Variants in ANGPT4 observed in about 807,000 individuals in gnomAD.
The protein encoded by ANGPT4 is angiopoietin 4, also known as angiopoietin-4.
A neutral mutation model predicts 53.0 loss-of-function variants in ANGPT4; 50 were observed. That is an observed-to-expected ratio of 0.94 (90% CI 0.75 to 1.20). ANGPT4 has a LOEUF of 1.20. Among genes scored for constraint, ANGPT4 ranks in the 50% most tolerant of loss-of-function variants. The pLI is 0.00. For missense variants in ANGPT4, 648 were observed against 637.1 expected, an observed-to-expected ratio of 1.02 and a Z score of -0.18; for synonymous variants, 251 against 259.7, an observed-to-expected ratio of 0.97 and a Z score of 0.32.
At position 886,763 on chromosome 20, in the gene ANGPT4, G is replaced by A. The variant is rs1981633754; in HGVS notation, c.588-1438C>T. Among the ~76,000 whole-genome samples, 5 of 152,306 alleles carry A rather than the reference G, an allele frequency of 3.3e-5. No individual in the cohort carries two copies. The South Asian group carries it at 6.2e-4, about 19-fold the overall frequency. On this transcript the variant is annotated intron_variant, in intron 3 of 8. Coordinates refer to ENST00000381922, the MANE Select transcript of ANGPT4 (RefSeq NM_015985.4). Reference sequence around the variant, plus strand: ...AGAGAAAAACCGAATGGTTGTATGGGTACTCAAAGTACGGTTTCTACTGCA... The same window carrying A: ...AGAGAAAAACCGAATGGTTGTATGGATACTCAAAGTACGGTTTCTACTGCA...
chr20:873,920 T>G (rs1360209), intron 8 of ANGPT4, among the ~76,000 whole-genome samples: 75,398 of 151,994 alleles, frequency 0.5, 21,329 homozygotes, highest in African/African-American at 0.77. Context: ...ACAGCTGGTG[T>G]GGAGCTGCCC....
At chr20:889,230 C>A (rs941916865) in intron 2 of ANGPT4, among the ~76,000 whole-genome samples, 1 of 151,002 alleles carries the variant, frequency 6.6e-6, no homozygotes, top group African/African-American at 2.4e-5. Context: ...ATGCTATTTT[C>A]TCCTTAGCGC....
chr20:913,519 C>T (rs1385760903), intron 1 of ANGPT4, among the ~76,000 whole-genome samples: 1 of 152,184 alleles, frequency 6.6e-6, no homozygotes, highest in Non-Finnish European at 1.5e-5. Flanking sequence ...AATTTTCAGG[C>T]TAGGTGAATG....
At chr20:874,011 G>A (rs751654111) in intron 8 of ANGPT4, among the ~76,000 whole-genome samples, 2 of 152,100 alleles carry the variant, frequency 1.3e-5, no homozygotes, top group East Asian at 1.9e-4. Flanking sequence ...CCTCCCCCCC[G>A]GGGCCCTGCA....
chr20:899,179 C>G (rs1027235059), intron 1 of ANGPT4, among the ~76,000 whole-genome samples: 1 of 152,196 alleles, frequency 6.6e-6, no homozygotes, highest in African/African-American at 2.4e-5. Flanking sequence ...GCCTCCATAA[C>G]TGTTGCGGGT....
Position 873,056 on chromosome 20 carries a change from G to C in ANGPT4, c.1416C>G (p.Asn472Lys), listed in dbSNP as rs564210679. ...LNGVYYHAPD[N>K]KYKMDGIRWH... Reference sequence around the variant, plus strand: ...AGCGGATGCCGTCCATCTTGTACTTGTTGTCGGGAGCGTGGTAGTAGACGC... The same window carrying C: ...AGCGGATGCCGTCCATCTTGTACTTCTTGTCGGGAGCGTGGTAGTAGACGC... The change falls in exon 9 of 9, where the codon AAC becomes AAG. Residue 472 changes from asparagine to lysine, a missense_variant. Coordinates refer to ENST00000381922, the MANE Select transcript of ANGPT4 (RefSeq NM_015985.4). 1.2e-6 allele frequency: 2 copies of C among 1,614,080 alleles called. No homozygotes were observed. Among genetic ancestry groups the C allele is most frequent in the African/African-American group, 2.7e-5 (2 of 75,042 alleles).
chr20:915,546 G>T (rs1231826869), intron 1 of ANGPT4, among the ~76,000 whole-genome samples: 4 of 152,104 alleles, frequency 2.6e-5, no homozygotes, highest in Non-Finnish European at 5.9e-5. Context: ...TCTTCATTTT[G>T]CTTCACCATC....
chr20:899,512 C>T (rs7272759), intron 1 of ANGPT4, among the ~76,000 whole-genome samples: 4,766 of 152,170 alleles, frequency 0.031, 250 homozygotes, highest in African/African-American at 0.11. Context: ...CTCGGCCTCC[C>T]AAAGTGCTGG....
chr20:908,489 C>T lies in ANGPT4; in HGVS notation c.309+7417G>A, dbSNP rs1982568044. Among the ~76,000 whole-genome samples, 1 of 152,174 alleles carries T rather than the reference C, an allele frequency of 6.6e-6. No individual in the cohort carries two copies. Among genetic ancestry groups the T allele is most frequent in the African/African-American group, 2.4e-5 (1 of 41,430 alleles). ...AGTGCCTCCCTCCCTCAAGGTCAGG[C>T]ACCCATTATCCACCCCTAGCATCTC... On this transcript the variant is annotated intron_variant, in intron 1 of 8. Coordinates refer to ENST00000381922, the MANE Select transcript of ANGPT4 (RefSeq NM_015985.4). The surrounding 1 kb of genome is among the most constrained non-coding windows in gnomAD (Gnocchi z 4.9).
At chr20:888,988 T>C (rs943472843) in intron 2 of ANGPT4, among the ~76,000 whole-genome samples, 3 of 152,208 alleles carry the variant, frequency 2.0e-5, no homozygotes, top group African/African-American at 7.2e-5. Context: ...CCTGCCACTC[T>C]CCTCCTGGTC....
chr20:876,521 G>A (rs567986129), intron 7 of ANGPT4, among the ~76,000 whole-genome samples: 32 of 152,300 alleles, frequency 2.1e-4, no homozygotes, highest in East Asian at 5.8e-4. Context: ...TTTGCTGAGC[G>A]TTTACTACAT....
intron 1 of ANGPT4, among the ~76,000 whole-genome samples, chr20:906,224 A>T (rs1490023594): frequency 6.6e-6 from 1 of 152,230 alleles, no homozygotes; most frequent in East Asian, 1.9e-4. Context: ...TAGAGGAAGT[A>T]GGCCACTATG....
chr20:892,594 C>CAAA (rs59076723), intron 1 of ANGPT4, among the ~76,000 whole-genome samples: 2,318 of 131,722 alleles, frequency 0.018, 82 homozygotes, highest in African/African-American at 0.062. Flanking sequence ...GACCGTGTCT[C>CAAA]AAAAAAAAAA....
At chr20:898,482 C>G (rs1046897904) in intron 1 of ANGPT4, among the ~76,000 whole-genome samples, 2 of 152,204 alleles carry the variant, frequency 1.3e-5, no homozygotes, top group African/African-American at 2.4e-5. Context: ...CACTTAGCAG[C>G]TACCATTAGA....
chr20:916,273 A>T lies in ANGPT4; in HGVS notation c.-59T>A. The T allele has an allele frequency of 6.5e-7, 1 of 1,547,322 alleles. No individual in the cohort carries two copies. On this transcript the variant is annotated 5_prime_UTR_variant, in exon 1 of 9. Transcript: ENST00000381922. ...CAGAGCCCTAGGGGCTGTGCCTGGG[A>T]TGTCCTGCTGCAGCCAACAGTGGCC...
Position 874,399 on chromosome 20 carries a change from C to A in ANGPT4, c.1236G>T (p.Gly412=). The change falls in exon 8 of 9, where the codon GGG becomes GGT. Residue 412 remains glycine, a synonymous_variant. Transcript: ENST00000381922. ...TCTGGCGCCCTGCTGAGCCGCTGTA[C>A]CCGACCACAGAAAGCCTGGAGGCCA... ...ENQLYRLSVV[G]YSGSAGRQSS... is the part of the protein sequence containing the mutation. 4 of 1,613,602 alleles carry A rather than the reference C, an allele frequency of 2.5e-6. No homozygotes were observed. Among genetic ancestry groups the A allele is most frequent in the Non-Finnish European group, 3.4e-6 (4 of 1,180,016 alleles).
intron 7 of ANGPT4, among the ~76,000 whole-genome samples, chr20:876,241 G>A (rs1981168388): frequency 6.6e-6 from 1 of 152,038 alleles, no homozygotes. Context: ...GTACCCTCAG[G>A]GCAGGGCCTG....
chr20:880,393 T>A (rs969246522), intron 5 of ANGPT4, among the ~76,000 whole-genome samples: 1 of 152,126 alleles, frequency 6.6e-6, no homozygotes, highest in African/African-American at 2.4e-5. Flanking sequence ...CAGACCAGCC[T>A]GGGAAACACA....
chr20:879,966 G>A lies in ANGPT4; in HGVS notation c.952-118C>T. ...CCCACAGAGCAACAGGTGAGCCTGGGGGTCCTGGGCATCAGAAAGATCCAG... is the reference window on the plus strand; with the variant it reads ...CCCACAGAGCAACAGGTGAGCCTGGAGGTCCTGGGCATCAGAAAGATCCAG... On this transcript the variant is annotated intron_variant, in intron 5 of 8. Coordinates refer to ENST00000381922, the MANE Select transcript of ANGPT4 (RefSeq NM_015985.4). 1.3e-5 allele frequency: 7 copies of A among 559,284 alleles called. 1 individual carries two copies. The South Asian group carries it at 1.7e-4, about 14-fold the overall frequency. The allele number at this position is 559,284 out of a possible 1,614,324, so 34.6% of individuals were successfully genotyped here. A position where few individuals can be genotyped will look rare whatever the true frequency, so the allele number is the denominator to read the frequency against.
Sources: allele counts gnomAD v4.1 joint callset (sites outside exome capture counted in the v4.1 genomes callset), GRCh38; gene constraint gnomAD v4.1.1; non-coding constraint Gnocchi (gnomAD v3.1); transcripts MANE v1.5; gene names NCBI Gene and HGNC (gene_info 2026-07-23, HGNC 2026-07-21).